PUS7: variants seen among roughly 807,000 people sequenced by gnomAD.
PUS7 encodes pseudouridine synthase 7.
Under a neutral mutation model 79.8 loss-of-function variants are expected in PUS7, and 48 were observed. The observed-to-expected ratio is 0.60, with a 90% CI of 0.48 to 0.76. The LOEUF (loss-of-function observed/expected upper bound fraction) is 0.76. Ranked by LOEUF, PUS7 falls within the 30% of genes least tolerant of loss-of-function variation. The probability of loss-of-function intolerance (pLI) is 0.00; values close to 1 mark genes in which losing one functional copy is unlikely to be tolerated. For synonymous variants in PUS7, 286 were observed against 272.2 expected (o/e 1.05, Z -0.50); for missense variants, 729 against 797.6 (o/e 0.91, Z 1.04).
rs148779026 is a variant in PUS7 at position 105,462,378 on chromosome 7, G to C, written c.1757+243C>G. On this transcript the variant is annotated intron_variant, in intron 14 of 15. Coordinates refer to ENST00000469408, the MANE Select transcript of PUS7 (RefSeq NM_019042.5). ...ACCTGGGAGGCAGAAGTTGCAGTGA[G>C]CCGAGATCATGCTATTGTGCTCCAG... is the stretch of plus-strand genomic sequence containing the variant. 3.6e-4 allele frequency: 143 copies of C among 397,740 alleles called. No homozygotes were observed. In the East Asian group the frequency reaches 6.3e-3, roughly 17 times the overall value. The allele number at this position is 397,740 out of a possible 1,614,324, so 24.6% of individuals were successfully genotyped here.
intron 9 of PUS7, among the ~76,000 whole-genome samples, chr7:105,472,909 T>C (rs1446900037): frequency 6.7e-6 from 1 of 149,676 alleles, no homozygotes; most frequent in African/African-American, 2.5e-5. Flanking sequence ...ACCTGCCACC[T>C]TGCCCAGCTA....
intron 9 of PUS7, among the ~76,000 whole-genome samples, chr7:105,480,524 C>A (rs1223461966): frequency 6.6e-6 from 1 of 152,100 alleles, no homozygotes; most frequent in Non-Finnish European, 1.5e-5. Context: ...TGCCTGTAAT[C>A]CCAGCAGTTT....
rs962981415 is a variant in PUS7, at chr7:105,496,845, G to C, written c.731-1592C>G. On this transcript the variant is annotated intron_variant, in intron 5 of 15. Coordinates refer to ENST00000469408, the MANE Select transcript of PUS7 (RefSeq NM_019042.5). ...ACTGTTGAGCAGGAATATCATTTTCGGTTTTCCTTCCAGCTCACTATCAGT... is the reference window on the plus strand; with the variant it reads ...ACTGTTGAGCAGGAATATCATTTTCCGTTTTCCTTCCAGCTCACTATCAGT... 7 of 559,338 alleles carry C rather than the reference G, an allele frequency of 1.3e-5. 1 individual carries two copies. Among genetic ancestry groups the C allele is most frequent in the Non-Finnish European group, 1.7e-5 (7 of 423,354 alleles). 34.6% of individuals were successfully genotyped at this position (559,338 alleles called of 1,614,324 possible).
Position 105,457,874 on chromosome 7 carries a change from G to GT in PUS7, c.1901dup (p.Tyr634Ter), listed in dbSNP as rs1823251772. Residue 634 changes from tyrosine to a stop codon, truncating the protein, a stop_gained and frameshift_variant, in exon 16 of 16, where the codon TAC (tyrosine) becomes TAAC (stop). Transcript: ENST00000469408. LOFTEE classifies it high-confidence loss of function. ...GCACTTCTCGAATGGCCATGGTGGC[G>GT]TAAGTAGAAGGGGGTAGAGAAAAAT... ...KMDFSLPPST[Y>*]ATMAIREVLK... 7 of 1,614,048 alleles carry GT rather than the reference G, an allele frequency of 4.3e-6. No individual in the cohort carries two copies. Among genetic ancestry groups the GT allele is most frequent in the Non-Finnish European group, 5.9e-6 (7 of 1,179,924 alleles).
At position 105,473,415 on chromosome 7, in the gene PUS7, A is replaced by ATTTTT. The variant is rs922271999; in HGVS notation, c.1176-1227_1176-1223dup. On this transcript the variant is annotated intron_variant, in intron 9 of 15. Coordinates refer to ENST00000469408, the MANE Select transcript of PUS7 (RefSeq NM_019042.5). ...CAGGCTGAGTCAGCATGCCTGCCTA[A>ATTTTT]TTTTTTTTTTTTTTTTTTTTTGAGA... is the stretch of plus-strand genomic sequence containing the variant. Among the ~76,000 whole-genome samples the ATTTTT allele has an allele frequency of 5.7e-5, 7 of 123,614 alleles. 1 individual carries two copies. The highest frequency in any genetic ancestry group is 2.2e-4 in the African/African-American group (7 of 31,230). 81.1% of individuals were successfully genotyped at this position (123,614 alleles called of 152,430 possible). A position where few individuals can be genotyped will look rare whatever the true frequency, so the allele number is the denominator to read the frequency against.
chr7:105,512,144 CAAAAAAAAAAAAAAAAAAA>C (rs59884368), intron 1 of PUS7, among the ~76,000 whole-genome samples: 1 of 68,826 alleles, frequency 1.5e-5, no homozygotes, highest in African/African-American at 5.9e-5. Context: ...GATTCTGTCT[CAAAAAAAAAAAAAAAAAAA>C]AAAAAAAAAA....
At chr7:105,467,442 A>C (rs932234233) in intron 12 of PUS7, among the ~76,000 whole-genome samples, 1 of 151,480 alleles carries the variant, frequency 6.6e-6, no homozygotes, top group Admixed American at 6.6e-5. Context: ...GGCGCCTGCC[A>C]CCACGCCCGG....
intron 1 of PUS7, among the ~76,000 whole-genome samples, chr7:105,517,029 C>A (rs535755987): frequency 2.0e-5 from 3 of 152,180 alleles, no homozygotes; most frequent in African/African-American, 7.2e-5. Flanking sequence ...ACATGCTGCA[C>A]AAATACACTA....
chr7:105,493,365 C>T (rs148516617), intron 6 of PUS7, among the ~76,000 whole-genome samples: 43 of 152,348 alleles, frequency 2.8e-4, no homozygotes, highest in African/African-American at 9.4e-4. Flanking sequence ...ATCCTCAACT[C>T]CCGATCTTGG....
intron 5 of PUS7, among the ~76,000 whole-genome samples, chr7:105,501,954 CAAAAA>C (rs1260361044): frequency 8.0e-5 from 10 of 124,248 alleles, no homozygotes; most frequent in African/African-American, 2.8e-4. Context: ...GACTCCGTCT[CAAAAA>C]AAAAAAAAAA....
At chr7:105,496,477 TACA>T (rs891904134) in intron 5 of PUS7, among the ~76,000 whole-genome samples, 9 of 152,104 alleles carry the variant, frequency 5.9e-5, no homozygotes, top group African/African-American at 2.2e-4. Flanking sequence ...AAATGTTTCA[TACA>T]ACAATTCCTA....
chr7:105,466,871 A>C (rs2133059076), intron 12 of PUS7, among the ~76,000 whole-genome samples: 1 of 152,208 alleles, frequency 6.6e-6, no homozygotes, highest in Admixed American at 6.5e-5. Context: ...TAAATCAGGA[A>C]AAATAATTTA....
At chr7:105,476,123 CAA>C (rs958626613) in intron 9 of PUS7, among the ~76,000 whole-genome samples, 2,534 of 38,984 alleles carry the variant, frequency 0.065, 46 homozygotes, top group African/African-American at 0.14. Context: ...GACTCCGTCT[CAA>C]AAAAAAAAAA....
intron 5 of PUS7, among the ~76,000 whole-genome samples, chr7:105,500,309 A>G (rs922220424): frequency 6.6e-6 from 1 of 152,168 alleles, no homozygotes; most frequent in Non-Finnish European, 1.5e-5. Flanking sequence ...CAACAACAAA[A>G]AAAAGAAAGG....
chr7:105,491,183 A>G (rs552298274), intron 7 of PUS7, among the ~76,000 whole-genome samples: 1 of 152,244 alleles, frequency 6.6e-6, no homozygotes, highest in African/African-American at 2.4e-5. Flanking sequence ...CGTCTATTCC[A>G]CTAATTATAA....
In PUS7 at chr7:105,522,248, G is replaced by C. The variant is rs1324243624; in HGVS notation, c.-229C>G. The C allele has an allele frequency of 1.3e-5, 2 of 151,656 alleles. No individual in the cohort carries two copies. The highest frequency in any genetic ancestry group is 4.8e-5 in the African/African-American group (2 of 41,366). 9.4% of individuals were successfully genotyped at this position (151,656 alleles called of 1,614,324 possible). On this transcript the variant is annotated 5_prime_UTR_variant, in exon 1 of 16. Transcript: ENST00000469408. ...GCGGCCGGGCTCGCACACGTGCGGC[G>C]CAGCGACGCGCCGCGGCCCGACTGG...
intron 5 of PUS7, among the ~76,000 whole-genome samples, chr7:105,501,816 G>A (rs1387663306): frequency 2.6e-5 from 4 of 151,924 alleles, no homozygotes; most frequent in African/African-American, 7.3e-5. Flanking sequence ...TTAGCCAGGC[G>A]TGGTGGCAGG....
At chr7:105,481,346 T>C (rs1423575385) in intron 8 of PUS7, among the ~76,000 whole-genome samples, 169 bp from the exon 9 acceptor site, 1 of 152,236 alleles carries the variant, frequency 6.6e-6, no homozygotes, top group Non-Finnish European at 1.5e-5. Context: ...AAGATATTTA[T>C]AATGTCAAAT....
At position 105,506,146 on chromosome 7, in the gene PUS7, A is replaced by ATT. The variant is rs11421080; in HGVS notation, c.483+41_483+42dup. On this transcript the variant is annotated intron_variant, in intron 3 of 15. Coordinates refer to ENST00000469408, the MANE Select transcript of PUS7 (RefSeq NM_019042.5). Reference sequence around the variant, plus strand: ...TATTTCTAAATCTCTAGGAAATGCTATTTTTATACAGAAGGTGACATTTGC... The same window carrying ATT: ...TATTTCTAAATCTCTAGGAAATGCTATTTTTTTATACAGAAGGTGACATTTGC... The ATT allele has an allele frequency of 2.7e-4, 420 of 1,567,478 alleles. 4 individuals carry two copies. The East Asian group carries it at 8.1e-3, about 30-fold the overall frequency.
Sources: allele counts gnomAD v4.1 joint callset (sites outside exome capture counted in the v4.1 genomes callset), GRCh38; gene constraint gnomAD v4.1.1; transcripts MANE v1.5; gene names NCBI Gene and HGNC (gene_info 2026-07-23, HGNC 2026-07-21).